Variants in ICE2 observed in about 807,000 individuals in gnomAD.
The protein encoded by ICE2 is little elongation complex subunit 2.
Under a neutral mutation model 105.4 loss-of-function variants are expected in ICE2, and 87 were observed. The ratio of observed to expected loss-of-function variants is 0.83; its 90% CI spans 0.69 to 0.99. The LOEUF is 0.99. Ranked by LOEUF, ICE2 falls within the 50% of genes least tolerant of loss-of-function variation. The pLI is 0.00. For synonymous variants in ICE2, 399 were observed against 392.0 expected (o/e 1.02, Z -0.21); for missense variants, 1,323 against 1,146.7 (o/e 1.15, Z -2.22).
At position 60,444,464 on chromosome 15, in the gene ICE2, A is replaced by G. The variant is rs1405138836; in HGVS notation, c.2296-1919T>C. Among the ~76,000 whole-genome samples, 4 of 152,180 alleles carry G rather than the reference A, an allele frequency of 2.6e-5. No homozygotes were observed. The East Asian group carries it at 7.7e-4, about 29-fold the overall frequency. On this transcript the variant is annotated intron_variant, in intron 11 of 15. Transcript: ENST00000261520. ...AGGATAATCAAAATTTTCATACTAT[A>G]AAGTTTACTATTTTTTTCCCTTGAT...
At chr15:60,427,564 A>C (rs1050019083) in intron 15 of ICE2, among the ~76,000 whole-genome samples, 4 of 152,112 alleles carry the variant, frequency 2.6e-5, no homozygotes, top group African/African-American at 4.8e-5. Flanking sequence ...GGAAATGATT[A>C]CAGGTGTGCA....
intron 11 of ICE2, among the ~76,000 whole-genome samples, chr15:60,447,011 A>C (rs866353501): frequency 4.6e-5 from 7 of 152,208 alleles, no homozygotes; most frequent in African/African-American, 1.7e-4. Context: ...GTAGTCATAC[A>C]CACAAAAAAA....
Position 60,422,221 on chromosome 15 carries a change from T to A in ICE2, c.*1413A>T, listed in dbSNP as rs1169645575. 1 of 151,700 alleles carries A rather than the reference T, an allele frequency of 6.6e-6. No homozygotes were observed. The highest frequency in any genetic ancestry group is 1.5e-5 in the Non-Finnish European group (1 of 67,946). The allele number at this position is 151,700 out of a possible 1,614,324, so 9.4% of individuals were successfully genotyped here. A position where few individuals can be genotyped will look rare whatever the true frequency, so the allele number is the denominator to read the frequency against. The stretch of plus-strand genomic sequence containing the variant: ...GATCACAACTCACTGTAGCCTTGAC[T>A]TCTTGGGCTCAAGCAATTCTTCTGC... On this transcript the variant is annotated 3_prime_UTR_variant, in exon 16 of 16. Transcript: ENST00000261520.
At chr15:60,433,827 T>A (rs937155293) in intron 13 of ICE2, among the ~76,000 whole-genome samples, 2 of 151,734 alleles carry the variant, frequency 1.3e-5, no homozygotes, top group Non-Finnish European at 2.9e-5. Flanking sequence ...TGTTTTTCAA[T>A]GAGAAAAGCG....
chr15:60,460,539 G>C (rs1036441086), intron 5 of ICE2, among the ~76,000 whole-genome samples: 2 of 152,178 alleles, frequency 1.3e-5, no homozygotes, highest in Non-Finnish European at 2.9e-5. Flanking sequence ...AGGTAACTCA[G>C]TAAGGGAAAA....
intron 13 of ICE2, among the ~76,000 whole-genome samples, chr15:60,433,717 C>T (rs577814817): frequency 1.0e-3 from 155 of 152,076 alleles, no homozygotes; most frequent in Non-Finnish European, 1.2e-3. Flanking sequence ...TCTCGAACTC[C>T]TGACCTCAAG....
intron 5 of ICE2, 152 bp from the exon 6 acceptor site, chr15:60,456,946 A>G: frequency 3.0e-6 from 1 of 336,046 alleles, no homozygotes; most frequent in Non-Finnish European, 5.4e-6. Flanking sequence ...TATATTCTTT[A>G]TTTTCATATT....
chr15:60,463,223 C>T (rs956277194), intron 5 of ICE2, among the ~76,000 whole-genome samples: 1 of 152,094 alleles, frequency 6.6e-6, no homozygotes, highest in Admixed American at 6.5e-5. Context: ...ATCTGTATAT[C>T]GAACAGAAAC....
chr15:60,436,480 A>C (rs955107394), intron 12 of ICE2, among the ~76,000 whole-genome samples: 5 of 152,160 alleles, frequency 3.3e-5, no homozygotes, highest in Admixed American at 3.3e-4. Context: ...ATGTCCACAC[A>C]TACGAAATCA....
At chr15:60,424,227 G>C (rs187029375) in intron 15 of ICE2, among the ~76,000 whole-genome samples, 1 of 151,426 alleles carries the variant, frequency 6.6e-6, no homozygotes, top group East Asian at 1.9e-4. Context: ...AAGAAGGGTA[G>C]GGAAGATAAG....
intron 6 of ICE2, 43 bp from the exon 7 acceptor site, chr15:60,455,485 G>T (rs1389742027): frequency 1.6e-6 from 2 of 1,287,422 alleles, no homozygotes; most frequent in African/African-American, 1.5e-5. Context: ...AAATCGCAAT[G>T]TATTTTTTCT....
intron 15 of ICE2, among the ~76,000 whole-genome samples, chr15:60,426,081 A>G (rs1319229849): frequency 6.6e-6 from 1 of 152,118 alleles, no homozygotes; most frequent in Non-Finnish European, 1.5e-5. Context: ...CATGAAGCAC[A>G]CTCCGTGATA....
chr15:60,477,307 A>C (rs1287654062), intron 2 of ICE2, among the ~76,000 whole-genome samples: 1 of 152,190 alleles, frequency 6.6e-6, no homozygotes, highest in African/African-American at 2.4e-5. Flanking sequence ...GTTGTTAGCA[A>C]TAAACAAATA....
At chr15:60,458,940 G>T (rs574027976) in intron 5 of ICE2, among the ~76,000 whole-genome samples, 1 of 152,256 alleles carries the variant, frequency 6.6e-6, no homozygotes, top group East Asian at 1.9e-4. Flanking sequence ...GAATGTGGTT[G>T]CCAGGAACTG....
chr15:60,426,781 C>T (rs973568054), intron 15 of ICE2, among the ~76,000 whole-genome samples: 1 of 152,164 alleles, frequency 6.6e-6, no homozygotes, highest in African/African-American at 2.4e-5. Context: ...ACCACTCCCA[C>T]ACAGAATTAC....
chr15:60,474,237 G>A (rs777236365), intron 3 of ICE2, among the ~76,000 whole-genome samples: 8 of 151,874 alleles, frequency 5.3e-5, no homozygotes, highest in Middle Eastern at 3.4e-3. Context: ...TTGTTTTTAC[G>A]TAAACTTACA....
At chr15:60,432,920 A>AAC (rs1198548940) in intron 13 of ICE2, among the ~76,000 whole-genome samples, 13 of 152,090 alleles carry the variant, frequency 8.5e-5, no homozygotes, top group African/African-American at 3.1e-4. Context: ...CCAAAACCAA[A>AAC]CAAACAAAAT....
chr15:60,450,326 C>G (rs1168427759), intron 9 of ICE2, among the ~76,000 whole-genome samples: 1 of 152,194 alleles, frequency 6.6e-6, no homozygotes, highest in Non-Finnish European at 1.5e-5. Flanking sequence ...CCCTTAATAT[C>G]AACCAGTGAC....
chr15:60,424,410 A>T (rs2063294869), intron 15 of ICE2, among the ~76,000 whole-genome samples: 1 of 1,516 alleles, frequency 6.6e-4, no homozygotes, highest in Admixed American at 0.011. Context: ...TGGAAGGGGG[A>T]ATACAGAGGA....
Sources: allele counts gnomAD v4.1 joint callset (sites outside exome capture counted in the v4.1 genomes callset), GRCh38; gene constraint gnomAD v4.1.1; transcripts MANE v1.5; gene names NCBI Gene and HGNC (gene_info 2026-07-23, HGNC 2026-07-21).